GALNTL6: variants seen among roughly 807,000 people sequenced by gnomAD.
The protein encoded by GALNTL6 is polypeptide N-acetylgalactosaminyltransferase-like 6.
Under a neutral mutation model 73.7 loss-of-function variants are expected in GALNTL6, and 46 were observed. That is an observed-to-expected ratio of 0.62 (90% CI 0.49 to 0.80). The LOEUF (loss-of-function observed/expected upper bound fraction) is 0.80, where lower values mean the gene tolerates loss of function less well. Among genes scored for constraint, GALNTL6 ranks in the 30% least tolerant of loss-of-function variants. The probability of loss-of-function intolerance (pLI) is 0.00; values close to 1 mark genes in which losing one functional copy is unlikely to be tolerated. For missense variants in GALNTL6, 604 were observed against 755.0 expected, an observed-to-expected ratio of 0.80 and a Z score of 2.34; for synonymous variants, 259 against 263.7, an observed-to-expected ratio of 0.98 and a Z score of 0.17.
At chr4:172,763,872 T>C (rs1054405727) in intron 5 of GALNTL6, among the ~76,000 whole-genome samples, 2 of 151,944 alleles carry the variant, frequency 1.3e-5, no homozygotes, top group Admixed American at 6.6e-5. Flanking sequence ...TAACAGGAAA[T>C]TCAAAGAAAT....
chr4:171,971,997 T>C (rs1739585159), intron 2 of GALNTL6, among the ~76,000 whole-genome samples: 1 of 152,100 alleles, frequency 6.6e-6, no homozygotes, highest in Admixed American at 6.6e-5. Flanking sequence ...ACTCATGGTC[T>C]CTCATACTTT....
intron 2 of GALNTL6, among the ~76,000 whole-genome samples, chr4:172,003,991 A>T (rs1740753431): frequency 6.6e-6 from 1 of 152,170 alleles, no homozygotes; most frequent in Admixed American, 6.6e-5. Flanking sequence ...AAGTGATCAG[A>T]GAATATGAAT....
chr4:172,569,320 T>C (rs1736678348), intron 5 of GALNTL6, among the ~76,000 whole-genome samples: 2 of 152,140 alleles, frequency 1.3e-5, no homozygotes, highest in Admixed American at 1.3e-4. Flanking sequence ...CTCTTTAATC[T>C]GGTCACTAAG....
chr4:172,019,783 CA>C (rs1301371920), intron 2 of GALNTL6, among the ~76,000 whole-genome samples: 2 of 152,028 alleles, frequency 1.3e-5, no homozygotes, highest in East Asian at 3.9e-4. Context: ...TCAACAACAA[CA>C]AAAATCGGAC....
intron 8 of GALNTL6, among the ~76,000 whole-genome samples, chr4:172,885,146 C>T (rs1184501791): frequency 1.3e-5 from 2 of 151,944 alleles, no homozygotes; most frequent in East Asian, 1.9e-4. Flanking sequence ...ATATTTTTTC[C>T]GTTTCTGTGA....
At chr4:172,038,023 G>A (rs1741982822) in intron 2 of GALNTL6, among the ~76,000 whole-genome samples, 1 of 151,972 alleles carries the variant, frequency 6.6e-6, no homozygotes, top group Admixed American at 6.6e-5. Context: ...GGAGGCTGAG[G>A]CAGGAGAATT....
intron 2 of GALNTL6, among the ~76,000 whole-genome samples, chr4:172,175,592 A>C (rs553788928): frequency 6.6e-6 from 1 of 152,348 alleles, no homozygotes; most frequent in South Asian, 2.1e-4. Flanking sequence ...TTTGGGGAAG[A>C]ATGTGTGGCT....
intron 5 of GALNTL6, among the ~76,000 whole-genome samples, chr4:172,702,050 G>T (rs1195549926): frequency 6.6e-6 from 1 of 151,908 alleles, no homozygotes; most frequent in Non-Finnish European, 1.5e-5. Flanking sequence ...ACTATTTCTG[G>T]ATAACAATGA....
chr4:172,049,251 A>G (rs1433934953), intron 2 of GALNTL6, among the ~76,000 whole-genome samples: 1 of 152,116 alleles, frequency 6.6e-6, no homozygotes, highest in African/African-American at 2.4e-5. Flanking sequence ...TATAGAAAGC[A>G]TTCACAAGAA....
At chr4:172,114,729 C>A (rs534802473) in intron 2 of GALNTL6, among the ~76,000 whole-genome samples, 88 of 152,154 alleles carry the variant, frequency 5.8e-4, no homozygotes, top group Middle Eastern at 3.4e-3. Flanking sequence ...AGTTCAAACA[C>A]AAATAAACAG....
intron 2 of GALNTL6, among the ~76,000 whole-genome samples, chr4:171,997,182 GTT>G (rs1560877616): frequency 6.6e-6 from 1 of 152,104 alleles, no homozygotes; most frequent in Non-Finnish European, 1.5e-5. Flanking sequence ...CTTTCAGAGA[GTT>G]TGCAACCTGG....
At chr4:172,783,456 A>G (rs1739483134) in intron 5 of GALNTL6, among the ~76,000 whole-genome samples, 1 of 147,632 alleles carries the variant, frequency 6.8e-6, no homozygotes, top group Non-Finnish European at 1.5e-5. Flanking sequence ...ATAATATTAT[A>G]ACAATATAAT....
intron 2 of GALNTL6, among the ~76,000 whole-genome samples, chr4:172,090,646 C>A (rs1732176818): frequency 1.3e-5 from 2 of 152,020 alleles, no homozygotes; most frequent in Non-Finnish European, 2.9e-5. Context: ...CTGTAGGTTG[C>A]CTGTTCAATC....
At chr4:172,520,138 A>G (rs895919485) in intron 5 of GALNTL6, among the ~76,000 whole-genome samples, 1 of 151,926 alleles carries the variant, frequency 6.6e-6, no homozygotes, top group Non-Finnish European at 1.5e-5. Flanking sequence ...ACAACAACCC[A>G]CTGTGGCAGG....
intron 9 of GALNTL6, among the ~76,000 whole-genome samples, chr4:172,949,938 G>A: frequency 6.7e-6 from 1 of 150,168 alleles, no homozygotes; most frequent in Non-Finnish European, 1.5e-5. Flanking sequence ...AGAAAGAAAA[G>A]AAAAAGAAAA....
intron 7 of GALNTL6, among the ~76,000 whole-genome samples, chr4:172,830,278 A>G (rs1742552139): frequency 1.3e-5 from 2 of 152,224 alleles, no homozygotes. Context: ...GGCTGATAGT[A>G]AAAAGATGAC....
chr4:172,157,291 CAAA>C (rs1734316999), intron 2 of GALNTL6, among the ~76,000 whole-genome samples: 1 of 152,184 alleles, frequency 6.6e-6, no homozygotes, highest in Non-Finnish European at 1.5e-5. Flanking sequence ...ATGCAGCCTA[CAAA>C]TGATTCAGTG....
At chr4:172,877,823 T>C (rs2111180369) in intron 7 of GALNTL6, among the ~76,000 whole-genome samples, 1 of 152,052 alleles carries the variant, frequency 6.6e-6, no homozygotes, top group East Asian at 1.9e-4. Context: ...AGTAGCAAAA[T>C]TCAAAGCCTG....
chr4:172,910,936 A>G (rs1747165125), intron 8 of GALNTL6, among the ~76,000 whole-genome samples: 1 of 152,244 alleles, frequency 6.6e-6, no homozygotes, highest in Non-Finnish European at 1.5e-5. Flanking sequence ...GAGAAACTAC[A>G]AAACATGACA....
Sources: allele counts gnomAD v4.1 joint callset (sites outside exome capture counted in the v4.1 genomes callset), GRCh38; gene constraint gnomAD v4.1.1; transcripts MANE v1.5; gene names NCBI Gene and HGNC (gene_info 2026-07-23, HGNC 2026-07-21).